M1AP: variants seen among roughly 807,000 people sequenced by gnomAD.
M1AP encodes the protein meiosis 1 associated protein.
In M1AP, 39 loss-of-function variants were observed where a neutral mutation model predicts 51.2. That is an observed-to-expected ratio of 0.76 (90% confidence interval 0.59 to 1.00). The LOEUF (loss-of-function observed/expected upper bound fraction) is 1.00, where lower values mean the gene tolerates loss of function less well. Ranked by LOEUF, M1AP falls within the 50% of genes least tolerant of loss-of-function variation. The pLI, the probability that M1AP is intolerant of heterozygous loss-of-function variation, is 0.00. For synonymous variants in M1AP, 251 were observed against 249.2 expected (o/e 1.01, Z -0.07); for missense variants, 545 against 641.2 (o/e 0.85, Z 1.62).
At chr2:74,636,168 T>A (rs1358463183) in intron 2 of M1AP, among the ~76,000 whole-genome samples, 1 of 152,160 alleles carries the variant, frequency 6.6e-6, no homozygotes, top group African/African-American at 2.4e-5. Context: ...TTAGGATTTC[T>A]GTATCTTCTT....
At chr2:74,636,586 A>G (rs1344345579) in intron 2 of M1AP, among the ~76,000 whole-genome samples, 1 of 151,986 alleles carries the variant, frequency 6.6e-6, no homozygotes, top group East Asian at 1.9e-4. Flanking sequence ...CCCTATTTTG[A>G]CTTATCCATG....
At chr2:74,633,168 G>A (rs912151973) in intron 2 of M1AP, among the ~76,000 whole-genome samples, 1 of 152,110 alleles carries the variant, frequency 6.6e-6, no homozygotes, top group Non-Finnish European at 1.5e-5. Flanking sequence ...TGAGGTCAGG[G>A]TATTTCATCT....
At chr2:74,610,564 T>C (rs1023933913) in intron 3 of M1AP, among the ~76,000 whole-genome samples, 3 of 152,200 alleles carry the variant, frequency 2.0e-5, no homozygotes, top group Admixed American at 1.3e-4. Context: ...TCCTCTTGCC[T>C]TAGCCTCCTG....
chr2:74,572,378 T>C (rs2104551454), intron 7 of M1AP, among the ~76,000 whole-genome samples: 1 of 152,298 alleles, frequency 6.6e-6, no homozygotes, highest in South Asian at 2.1e-4. Context: ...CAGAGTGCAG[T>C]GGTGCGATCA....
At chr2:74,592,103 C>G (rs11894055) in intron 4 of M1AP, among the ~76,000 whole-genome samples, 1 of 151,900 alleles carries the variant, frequency 6.6e-6, no homozygotes, top group Non-Finnish European at 1.5e-5. Flanking sequence ...GAGCCCAGAC[C>G]TAAGACATAT....
At chr2:74,591,612 A>G (rs1680039816) in intron 4 of M1AP, among the ~76,000 whole-genome samples, 1 of 152,308 alleles carries the variant, frequency 6.6e-6, no homozygotes, top group East Asian at 1.9e-4. Flanking sequence ...GACATGACCC[A>G]AGAACCACAC....
Position 74,614,993 on chromosome 2 carries a change from T to G in M1AP, c.397A>C (p.Arg133=), listed in dbSNP as rs1395445883. Residue 133 remains arginine (R), a synonymous_variant, in exon 3 of 11, where the codon AGG becomes CGG. Coordinates refer to ENST00000421985, the MANE Select transcript of M1AP (RefSeq NM_001321739.2). Reference sequence around the variant, plus strand: ...AGGGAGGTATAGGTCAGAGCTGCCCTTGTGGTCACATGTCTGCTGTATTGT... The same window carrying G: ...AGGGAGGTATAGGTCAGAGCTGCCCGTGTGGTCACATGTCTGCTGTATTGT... The part of the protein sequence containing the change: ...FKQYSRHVTT[R]AALTYTSLEI... 6.2e-7 allele frequency: 1 copy of G among 1,614,192 alleles called. No homozygotes were observed. Among genetic ancestry groups the G allele is most frequent in the South Asian group, 1.1e-5 (1 of 91,084 alleles).
At chr2:74,629,251 A>G (rs79904795) in intron 2 of M1AP, among the ~76,000 whole-genome samples, 2,244 of 152,316 alleles carry the variant, frequency 0.015, 56 homozygotes, top group African/African-American at 0.052. Flanking sequence ...GCATATTTCA[A>G]TTTTTGGCAT....
At chr2:74,561,136 G>A (rs1370062011) in intron 8 of M1AP, among the ~76,000 whole-genome samples, 59 of 142,378 alleles carry the variant, frequency 4.1e-4, no homozygotes, top group African/African-American at 1.4e-3. Context: ...GAAGGAGGAG[G>A]AGGAGAAGGA....
chr2:74,647,425 A>C (rs1683674262), intron 1 of M1AP: 2 of 984,902 alleles, frequency 2.0e-6, no homozygotes, highest in South Asian at 9.4e-5. Flanking sequence ...GCCCTATTAA[A>C]GATTTCGTGG....
intron 4 of M1AP, among the ~76,000 whole-genome samples, chr2:74,599,279 CTTTTA>C (rs772399894): frequency 7.2e-5 from 11 of 151,980 alleles, no homozygotes; most frequent in Non-Finnish European, 1.5e-4. Flanking sequence ...TGTCAAAAAT[CTTTTA>C]TTTTATGATT....
chr2:74,557,924 G>GCT lies in M1AP; in HGVS notation c.*791_*792insAG, dbSNP rs1677616578. Reference sequence around the variant, plus strand: ...TTTATTATTTATGTAGAGATGGCGGGGGGGTCTCACAGTGTTGCTCAGGCT... The same window carrying GCT: ...TTTATTATTTATGTAGAGATGGCGGGCTGGGGTCTCACAGTGTTGCTCAGGCT... On this transcript the variant is annotated 3_prime_UTR_variant, in exon 11 of 11. Coordinates refer to ENST00000421985, the MANE Select transcript of M1AP (RefSeq NM_001321739.2). 2 of 150,618 alleles carry GCT rather than the reference G, an allele frequency of 1.3e-5. No individual in the cohort carries two copies. The highest frequency in any genetic ancestry group is 2.9e-5 in the Non-Finnish European group (2 of 67,948). 9.3% of individuals were successfully genotyped at this position (150,618 alleles called of 1,614,324 possible).
chr2:74,636,587 C>T (rs10170058), intron 2 of M1AP, among the ~76,000 whole-genome samples: 14,440 of 151,994 alleles, frequency 0.095, 1,994 homozygotes, highest in African/African-American at 0.3. Context: ...CCTATTTTGA[C>T]TTATCCATGG....
chr2:74,603,044 G>C (rs556309681), intron 4 of M1AP, among the ~76,000 whole-genome samples: 27 of 152,198 alleles, frequency 1.8e-4, no homozygotes, highest in Non-Finnish European at 2.4e-4. Context: ...GAGAGAAAAA[G>C]AGCTTCTCTC....
At chr2:74,569,294 A>C (rs1288742243) in intron 7 of M1AP, among the ~76,000 whole-genome samples, 1 of 151,444 alleles carries the variant, frequency 6.6e-6, no homozygotes, top group Non-Finnish European at 1.5e-5. Context: ...AAACCACATG[A>C]GGTATATTTT....
intron 4 of M1AP, among the ~76,000 whole-genome samples, chr2:74,583,424 G>C (rs901476824): frequency 6.6e-6 from 1 of 152,100 alleles, no homozygotes; most frequent in Non-Finnish European, 1.5e-5. Context: ...GGGTAGGTGG[G>C]GTAATGAGGC....
chr2:74,604,801 C>T (rs556600076), intron 4 of M1AP, among the ~76,000 whole-genome samples: 3 of 152,178 alleles, frequency 2.0e-5, no homozygotes, highest in South Asian at 2.1e-4. Flanking sequence ...TTTTTCAGTA[C>T]GTAAATATCA....
rs182516317 is a variant in M1AP at position 74,573,644 on chromosome 2, C to T, written c.1074+1794G>A. On this transcript the variant is annotated intron_variant, in intron 7 of 10. Coordinates refer to ENST00000421985, the MANE Select transcript of M1AP (RefSeq NM_001321739.2). ...CTGGGATTACAGACGTGAGTCACCA[C>T]ACCAGGTTATAGTTCCTATAACTTT... Among the ~76,000 whole-genome samples, 178 of 152,244 alleles carry T rather than the reference C, an allele frequency of 1.2e-3. 1 individual carries two copies. Among genetic ancestry groups the T allele is most frequent in the South Asian group, 6.2e-3 (30 of 4,814 alleles).
chr2:74,579,053 C>T (rs1039304542), intron 5 of M1AP, among the ~76,000 whole-genome samples: 1 of 152,170 alleles, frequency 6.6e-6, no homozygotes, highest in African/African-American at 2.4e-5. Context: ...GAAGACCTCC[C>T]CAGCAGAAAA....
Sources: gnomAD v4.1 joint callset for allele counts (sites outside exome capture counted in the v4.1 genomes callset) on GRCh38, gnomAD v4.1.1 for gene constraint, MANE v1.5 for transcripts, NCBI Gene and HGNC (gene_info 2026-07-23, HGNC 2026-07-21) for gene names.